The following CACNB2 variants were observed in gnomAD, a reference collection of about 807,000 sequenced individuals.
CACNB2 encodes calcium voltage-gated channel auxiliary subunit beta 2, also known as voltage-dependent L-type calcium channel subunit beta-2.
In CACNB2, 42 loss-of-function variants were observed where a neutral mutation model predicts 73.3. The ratio of observed to expected loss-of-function variants is 0.57; its 90% CI spans 0.45 to 0.74. The LOEUF (loss-of-function observed/expected upper bound fraction) is 0.74, where lower values mean the gene tolerates loss of function less well. Among genes scored for constraint, CACNB2 ranks in the 30% least tolerant of loss-of-function variants. CACNB2 has a pLI of 0.00. For missense variants in CACNB2, 940 were observed against 853.0 expected, an observed-to-expected ratio of 1.10 and a Z score of -1.27; for synonymous variants, 348 against 310.3, an observed-to-expected ratio of 1.12 and a Z score of -1.28.
intron 3 of CACNB2, among the ~76,000 whole-genome samples, chr10:18,448,024 C>T (rs1444768172): frequency 1.3e-5 from 2 of 152,082 alleles, no homozygotes; most frequent in Admixed American, 6.6e-5. Context: ...TAGGGTCTTG[C>T]TCTGTTGCCC....
At chr10:18,430,567 C>T (rs2045840639) in intron 3 of CACNB2, among the ~76,000 whole-genome samples, 1 of 152,048 alleles carries the variant, frequency 6.6e-6, no homozygotes. Context: ...GAGGTTGAGG[C>T]AGCAGTGAGC....
chr10:18,282,097 C>G (rs2038578634), intron 2 of CACNB2, among the ~76,000 whole-genome samples: 1 of 151,934 alleles, frequency 6.6e-6, no homozygotes, highest in South Asian at 2.1e-4. Flanking sequence ...GAATTGTCCA[C>G]TTTAAGGATG....
At chr10:18,251,439 G>A (rs2037085863) in intron 2 of CACNB2, among the ~76,000 whole-genome samples, 1 of 151,964 alleles carries the variant, frequency 6.6e-6, no homozygotes, top group African/African-American at 2.4e-5. Context: ...GTAGAGATGG[G>A]GTTTCACCAT....
At chr10:18,434,890 C>T (rs565693884) in intron 3 of CACNB2, among the ~76,000 whole-genome samples, 9 of 152,268 alleles carry the variant, frequency 5.9e-5, no homozygotes, top group African/African-American at 2.2e-4. Context: ...AATCTACCAT[C>T]ATGAGAGAAC....
chr10:18,242,125 GTA>G (rs775347796), intron 2 of CACNB2, among the ~76,000 whole-genome samples: 10 of 150,734 alleles, frequency 6.6e-5, no homozygotes, highest in East Asian at 2.0e-4. Context: ...GTGTGTGTGT[GTA>G]TATATATATA....
chr10:18,531,646 C>G (rs1448497531), intron 10 of CACNB2, among the ~76,000 whole-genome samples: 1 of 152,116 alleles, frequency 6.6e-6, no homozygotes, highest in Non-Finnish European at 1.5e-5. Context: ...ATAAGCGTTC[C>G]TTTTTCTCCA....
intron 2 of CACNB2, among the ~76,000 whole-genome samples, chr10:18,168,464 A>G (rs1465914384): frequency 1.3e-5 from 2 of 151,830 alleles, no homozygotes; most frequent in African/African-American, 4.8e-5. Context: ...ATTTCTTGAT[A>G]TCTTCATCTA....
Position 18,142,344 on chromosome 10 carries a change from A to G in CACNB2, c.120+1488A>G, listed in dbSNP as rs143877484. Among the ~76,000 whole-genome samples the G allele has an allele frequency of 3.3e-4, 51 of 152,358 alleles. 1 individual carries two copies. In the East Asian group the frequency reaches 9.8e-3, roughly 29 times the overall value. On this transcript the variant is annotated intron_variant, in intron 1 of 13. Coordinates refer to ENST00000324631, the MANE Select transcript of CACNB2 (RefSeq NM_201596.3). ...GGGCTGTTTGCTTCACAAGCCGAGT[A>G]GGGACATGTAATGAACCAGCTACAT...
chr10:18,222,332 G>A lies in CACNB2; in HGVS notation c.213+71357G>A, dbSNP rs79994564. On this transcript the variant is annotated intron_variant, in intron 2 of 13. Coordinates refer to ENST00000324631, the MANE Select transcript of CACNB2 (RefSeq NM_201596.3). ...GAATCTGCAGAGGAAAGAAACATAA[G>A]ACCCAGCAACCAGTTGCAATGTTTA... Among the ~76,000 whole-genome samples, 717 of 152,102 alleles carry A rather than the reference G, an allele frequency of 4.7e-3. 9 individuals carry two copies. The East Asian group carries it at 0.06, about 13-fold the overall frequency.
At chr10:18,161,397 C>T (rs1296515407) in intron 2 of CACNB2, among the ~76,000 whole-genome samples, 1 of 152,192 alleles carries the variant, frequency 6.6e-6, no homozygotes, top group African/African-American at 2.4e-5. Flanking sequence ...GTCAAGGTTA[C>T]TTTGCCCTGA....
At chr10:18,303,789 G>A (rs1360045480) in intron 2 of CACNB2, among the ~76,000 whole-genome samples, 1 of 152,188 alleles carries the variant, frequency 6.6e-6, no homozygotes, top group African/African-American at 2.4e-5. Context: ...TCTTCATGAA[G>A]TCTGTTTTCC....
At chr10:18,251,492 C>G (rs995689193) in intron 2 of CACNB2, among the ~76,000 whole-genome samples, 6 of 152,182 alleles carry the variant, frequency 3.9e-5, no homozygotes, top group Non-Finnish European at 7.3e-5. Context: ...AGGTGATCCA[C>G]CCACCTCGGC....
intron 2 of CACNB2, among the ~76,000 whole-genome samples, chr10:18,290,384 T>C (rs1378088366): frequency 6.6e-6 from 1 of 152,044 alleles, no homozygotes; most frequent in Non-Finnish European, 1.5e-5. Context: ...TGAGGCTGAG[T>C]ATATATAAAT....
chr10:18,433,527 T>C (rs552453461), intron 3 of CACNB2, among the ~76,000 whole-genome samples: 1 of 152,288 alleles, frequency 6.6e-6, no homozygotes, highest in East Asian at 1.9e-4. Flanking sequence ...ATGAGTTGCC[T>C]TGGTTTATTA....
chr10:18,297,776 A>C (rs948194362), intron 2 of CACNB2, among the ~76,000 whole-genome samples: 9 of 152,074 alleles, frequency 5.9e-5, no homozygotes, highest in African/African-American at 2.2e-4. Flanking sequence ...TTGCTGTGAT[A>C]ACAACTCTAG....
chr10:18,255,476 T>C (rs899136990), intron 2 of CACNB2, among the ~76,000 whole-genome samples: 2 of 152,224 alleles, frequency 1.3e-5, no homozygotes, highest in African/African-American at 2.4e-5. Context: ...TGTAATTCTA[T>C]GCTTATGTGA....
intron 10 of CACNB2, among the ~76,000 whole-genome samples, chr10:18,529,780 TTTC>T (rs2052814853): frequency 6.6e-6 from 1 of 152,242 alleles, no homozygotes; most frequent in South Asian, 2.1e-4. Flanking sequence ...TGATCATGTG[TTTC>T]GCTTATAGCA....
chr10:18,318,991 T>C lies in CACNB2; in HGVS notation c.214-82933T>C, dbSNP rs1454637629. Reference sequence around the variant, plus strand: ...TGGAGAAATAGGAATGCTTTTACACTGTTGGCGGGAATGTAAATTAGTTCA... The same window carrying C: ...TGGAGAAATAGGAATGCTTTTACACCGTTGGCGGGAATGTAAATTAGTTCA... On this transcript the variant is annotated intron_variant, in intron 2 of 13. Transcript: ENST00000324631. Among the ~76,000 whole-genome samples, 2 of 152,212 alleles carry C rather than the reference T, an allele frequency of 1.3e-5. 1 individual carries two copies. The highest frequency in any genetic ancestry group is 4.8e-5 in the African/African-American group (2 of 41,450).
At chr10:18,477,823 T>G (rs1358938106) in intron 3 of CACNB2, among the ~76,000 whole-genome samples, 1 of 152,230 alleles carries the variant, frequency 6.6e-6, no homozygotes, top group Non-Finnish European at 1.5e-5. Context: ...GTATTTAACC[T>G]TTTAGTTGTA....
Sources: allele counts gnomAD v4.1 joint callset (sites outside exome capture counted in the v4.1 genomes callset), GRCh38; gene constraint gnomAD v4.1.1; transcripts MANE v1.5; gene names NCBI Gene and HGNC (gene_info 2026-07-23, HGNC 2026-07-21).